Variants in ASTN2 observed in about 807,000 individuals in gnomAD.
ASTN2 encodes the protein astrotactin-2.
Under a neutral mutation model 139.8 loss-of-function variants are expected in ASTN2, and 54 were observed. That is an observed-to-expected ratio of 0.39 (90% confidence interval 0.31 to 0.48). ASTN2 has a LOEUF of 0.48. Ranked by LOEUF, ASTN2 falls within the 20% of genes least tolerant of loss-of-function variation. ASTN2 has a pLI of 0.95. For synonymous variants in ASTN2, 756 were observed against 719.5 expected, an observed-to-expected ratio of 1.05 and a Z score of -0.81; for missense variants, 1,565 against 1,725.1, an observed-to-expected ratio of 0.91 and a Z score of 1.64.
chr9:117,274,185 C>T (rs551750249), intron 2 of ASTN2, among the ~76,000 whole-genome samples: 1 of 152,034 alleles, frequency 6.6e-6, no homozygotes, highest in Non-Finnish European at 1.5e-5. Context: ...CCCGTCTCTA[C>T]TAAAAATACA....
At chr9:116,900,327 G>A (rs1419430573) in intron 10 of ASTN2, among the ~76,000 whole-genome samples, 2 of 152,118 alleles carry the variant, frequency 1.3e-5, no homozygotes, top group Non-Finnish European at 2.9e-5. Context: ...TATGAAAGAA[G>A]ACATCAAGAT....
chr9:117,293,504 A>G (rs1834648169), intron 1 of ASTN2, among the ~76,000 whole-genome samples: 1 of 152,212 alleles, frequency 6.6e-6, no homozygotes, highest in Admixed American at 6.5e-5. Context: ...AGAGTTGAAC[A>G]GGCCTTGAGA....
intron 22 of ASTN2, among the ~76,000 whole-genome samples, chr9:116,430,721 T>C (rs947195863): frequency 6.6e-6 from 1 of 152,162 alleles, no homozygotes; most frequent in Non-Finnish European, 1.5e-5. Context: ...ACTTTGTACG[T>C]AACAGGCACT....
chr9:117,242,901 C>T (rs1020108611), intron 2 of ASTN2, among the ~76,000 whole-genome samples: 3 of 152,214 alleles, frequency 2.0e-5, no homozygotes, highest in Admixed American at 6.5e-5. Flanking sequence ...AAACTATAGC[C>T]TTCCAGTTTG....
At chr9:116,645,649 T>A (rs1331435507) in intron 17 of ASTN2, among the ~76,000 whole-genome samples, 1 of 152,174 alleles carries the variant, frequency 6.6e-6, no homozygotes, top group Non-Finnish European at 1.5e-5. Flanking sequence ...GAGCCTCTAC[T>A]CCAGGGGTAG....
At chr9:117,359,591 C>G (rs546400633) in intron 1 of ASTN2, among the ~76,000 whole-genome samples, 1 of 152,116 alleles carries the variant, frequency 6.6e-6, no homozygotes, top group Non-Finnish European at 1.5e-5. Flanking sequence ...TGTGCCTTAA[C>G]TTTGTTGAAC....
chr9:117,159,691 T>C (rs980241225), intron 3 of ASTN2, among the ~76,000 whole-genome samples: 3 of 152,064 alleles, frequency 2.0e-5, no homozygotes, highest in Non-Finnish European at 4.4e-5. Flanking sequence ...ATGAGATTTG[T>C]TTTTTATTAC....
At chr9:116,572,887 G>A (rs1477258097) in intron 19 of ASTN2, among the ~76,000 whole-genome samples, 5 of 152,130 alleles carry the variant, frequency 3.3e-5, no homozygotes, top group Admixed American at 6.5e-5. Flanking sequence ...TGAGAAGAAA[G>A]GGAATAGTTA....
chr9:116,698,941 G>T lies in ASTN2; in HGVS notation c.2806+26830C>A, dbSNP rs373015960. 3 of 1,614,160 alleles carry T rather than the reference G, an allele frequency of 1.9e-6. No homozygotes were observed. Among genetic ancestry groups the T allele is most frequent in the Middle Eastern group, 3.3e-4 (2 of 6,062 alleles). The stretch of plus-strand genomic sequence containing the variant: ...AACTATCGTATACAAGTCTTTACCC[G>T]CAAAGGCTTTTTGAAGGAAATCCGC... On this transcript the variant is annotated intron_variant, in intron 16 of 22. Transcript: ENST00000313400. This position sits in a 1 kb window ranked among gnomAD's most constrained non-coding sequence, Gnocchi z 4.4.
At position 116,492,026 on chromosome 9, in the gene ASTN2, A is replaced by G. The variant is rs200684072; in HGVS notation, c.3356-4526T>C. On this transcript the variant is annotated intron_variant, in intron 19 of 22. Transcript: ENST00000313400. ...GCAAACATCATATAAAATACTGTAT[A>G]CTGGAACACAGTAAGAGCTTAAAAT... Among the ~76,000 whole-genome samples the G allele has an allele frequency of 2.0e-5, 3 of 152,042 alleles. No homozygotes were observed. In the East Asian group the frequency reaches 5.8e-4, roughly 29 times the overall value.
intron 19 of ASTN2, among the ~76,000 whole-genome samples, chr9:116,609,322 C>CTATATAT (rs199622984): frequency 9.5e-6 from 1 of 105,594 alleles, no homozygotes; most frequent in Non-Finnish European, 2.0e-5. Flanking sequence ...CTCTCTCTCT[C>CTATATAT]TCTCTCTATA....
intron 1 of ASTN2, among the ~76,000 whole-genome samples, chr9:117,357,643 G>A (rs1399093524): frequency 1.3e-5 from 2 of 152,062 alleles, no homozygotes; most frequent in Admixed American, 6.6e-5. Flanking sequence ...TATCTCAAGA[G>A]TTTATTATGG....
At chr9:117,170,809 T>A (rs1481505915) in intron 3 of ASTN2, among the ~76,000 whole-genome samples, 7 of 152,114 alleles carry the variant, frequency 4.6e-5, no homozygotes. Context: ...GGGAGCAGAG[T>A]GATTTGATTT....
chr9:116,580,164 G>A (rs1440314235), intron 19 of ASTN2, among the ~76,000 whole-genome samples: 1 of 152,200 alleles, frequency 6.6e-6, no homozygotes, highest in Non-Finnish European at 1.5e-5. Context: ...ATAACTAGAG[G>A]CCCTTCGTTG....
At chr9:116,616,247 TCTC>T (rs1319923897) in intron 19 of ASTN2, among the ~76,000 whole-genome samples, 1 of 152,166 alleles carries the variant, frequency 6.6e-6, no homozygotes, top group Non-Finnish European at 1.5e-5. Flanking sequence ...GACTAGGTGA[TCTC>T]CTAAGATCCT....
chr9:116,608,535 C>T (rs1486860513), intron 19 of ASTN2, among the ~76,000 whole-genome samples: 2 of 151,970 alleles, frequency 1.3e-5, no homozygotes, highest in East Asian at 3.9e-4. Context: ...AATTGTTTCT[C>T]TGTGCAAAAG....
At position 117,042,637 on chromosome 9, in the gene ASTN2, TTATAAA is replaced by T. The variant is rs556201242; in HGVS notation, c.1277-2678_1277-2673del. 1.2e-4 allele frequency among the ~76,000 whole-genome samples: 18 copies of T among 151,920 alleles called. No individual in the cohort carries two copies. In the East Asian group the frequency reaches 3.5e-3, roughly 29 times the overall value. ...GCTGTTTCATACATATTTATAATAT[TTATAAA>T]TATAAATAGATAAAATATGTATAGT... On this transcript the variant is annotated intron_variant, in intron 5 of 22. Transcript: ENST00000313400.
intron 16 of ASTN2, among the ~76,000 whole-genome samples, chr9:116,672,872 T>A (rs1859282455): frequency 6.6e-6 from 1 of 152,240 alleles, no homozygotes; most frequent in Admixed American, 6.5e-5. Flanking sequence ...GTGTCCTTAA[T>A]AAGCAAACTT....
intron 13 of ASTN2, among the ~76,000 whole-genome samples, chr9:116,789,920 C>CTTTTTTTTTTT (rs57433960): frequency 2.1e-5 from 2 of 93,332 alleles, no homozygotes; most frequent in Admixed American, 1.2e-4. Context: ...TTCTCTTTCT[C>CTTTTTTTTTTT]TTTTTTTTTT....
Sources: gnomAD v4.1 joint callset for allele counts (sites outside exome capture counted in the v4.1 genomes callset) on GRCh38, gnomAD v4.1.1 for gene constraint, Gnocchi (gnomAD v3.1) non-coding constraint, MANE v1.5 for transcripts, NCBI Gene and HGNC (gene_info 2026-07-23, HGNC 2026-07-21) for gene names.